The following KCTD9 variants were observed in gnomAD, a reference collection of about 807,000 sequenced individuals.
KCTD9 encodes BTB/POZ domain-containing protein KCTD9.
Under a neutral mutation model 53.3 loss-of-function variants are expected in KCTD9, and 17 were observed. That is an observed-to-expected ratio of 0.32 (90% confidence interval 0.22 to 0.48). KCTD9 has a LOEUF of 0.48. Ranked by LOEUF, KCTD9 falls within the 20% of genes least tolerant of loss-of-function variation. The pLI is 0.99. For missense variants in KCTD9, 179 were observed against 465.5 expected, an observed-to-expected ratio of 0.38 and a Z score of 5.66; for synonymous variants, 128 against 162.7, an observed-to-expected ratio of 0.79 and a Z score of 1.62.
intron 8 of KCTD9, 89 bp from the exon 9 acceptor site, chr8:25,435,601 T>C: frequency 8.8e-7 from 1 of 1,139,600 alleles, no homozygotes. Context: ...AAGTTTTTTT[T>C]AGAAGCAATT....
intron 1 of KCTD9, among the ~76,000 whole-genome samples, chr8:25,450,955 A>AT (rs1460166524): frequency 6.6e-6 from 1 of 152,236 alleles, no homozygotes; most frequent in East Asian, 1.9e-4. Flanking sequence ...GCAGTTAACA[A>AT]TTTCCTTTAA....
At chr8:25,456,114 C>A (rs1031427108) in intron 1 of KCTD9, among the ~76,000 whole-genome samples, 3 of 152,190 alleles carry the variant, frequency 2.0e-5, no homozygotes, top group African/African-American at 4.8e-5. Flanking sequence ...TGCCTCTCCA[C>A]GCCCTTCCCC....
chr8:25,432,946 T>C (rs1180501379), intron 10 of KCTD9, among the ~76,000 whole-genome samples: 2 of 152,184 alleles, frequency 1.3e-5, no homozygotes, highest in Admixed American at 6.5e-5. Context: ...CAGTCACAGA[T>C]AGTAACAAAT....
At chr8:25,454,396 C>T (rs1182053503) in intron 1 of KCTD9, among the ~76,000 whole-genome samples, 2 of 152,146 alleles carry the variant, frequency 1.3e-5, no homozygotes, top group African/African-American at 2.4e-5. Context: ...CTAGGACTTG[C>T]ACAGCTCATT....
intron 11 of KCTD9, among the ~76,000 whole-genome samples, chr8:25,431,683 ATTATAC>A (rs1217737222): frequency 6.6e-6 from 1 of 152,164 alleles, no homozygotes; most frequent in Non-Finnish European, 1.5e-5. Flanking sequence ...TCGTGATAGG[ATTATAC>A]TTAGGCCAAT....
In KCTD9 at chr8:25,435,377, CAG is replaced by C. The variant is rs2117393760; in HGVS notation, c.797_798del (p.Ser266TrpfsTer5). 1 of 1,602,888 alleles carries C rather than the reference CAG, an allele frequency of 6.2e-7. No homozygotes were observed. On this transcript the variant is annotated frameshift_variant, in exon 9 of 12. Transcript: ENST00000221200. LOFTEE classifies it high-confidence loss of function. ...CCANLERADL[S>X]GSVLDCANLQ... Reference sequence around the variant, plus strand: ...ATGATACTTACGTCAAGCACTGATCCAGAGAGATCAGCTCGTTCAAGATTTGC... The same window carrying C: ...ATGATACTTACGTCAAGCACTGATCCAGAGATCAGCTCGTTCAAGATTTGC...
intron 1 of KCTD9, among the ~76,000 whole-genome samples, chr8:25,455,528 A>G (rs1586442603): frequency 6.6e-6 from 1 of 152,260 alleles, no homozygotes; most frequent in East Asian, 1.9e-4. Flanking sequence ...TTTTAGTCTC[A>G]TGGTTTATAC....
chr8:25,435,594 T>G, intron 8 of KCTD9, 82 bp from the exon 9 acceptor site: 1 of 1,269,966 alleles, frequency 7.9e-7, no homozygotes, highest in South Asian at 1.6e-5. Flanking sequence ...AACCACCAAG[T>G]TTTTTTTAGA....
chr8:25,457,918 C>G (rs1802496249), intron 1 of KCTD9, among the ~76,000 whole-genome samples: 1 of 150,906 alleles, frequency 6.6e-6, no homozygotes, highest in African/African-American at 2.4e-5. Context: ...GCCCCCGTCC[C>G]CGCGCCCCCC....
chr8:25,446,073 A>G, intron 2 of KCTD9, 56 bp downstream of exon 2: 6 of 1,595,550 alleles, frequency 3.8e-6, no homozygotes, highest in Non-Finnish European at 5.1e-6. Flanking sequence ...GGGAAACAGC[A>G]TAGCACCAAG....
At chr8:25,448,074 G>T (rs1428137689) in intron 1 of KCTD9, among the ~76,000 whole-genome samples, 1 of 151,858 alleles carries the variant, frequency 6.6e-6, no homozygotes, top group Non-Finnish European at 1.5e-5. Context: ...GCTGCAGTGA[G>T]CCAAGATCAC....
chr8:25,455,291 C>T (rs1316250711), intron 1 of KCTD9, among the ~76,000 whole-genome samples: 3 of 151,612 alleles, frequency 2.0e-5, no homozygotes, highest in Non-Finnish European at 4.4e-5. Context: ...ACCAAAAAAT[C>T]AGAAAAGAAA....
chr8:25,437,231 G>C (rs1802033545), intron 6 of KCTD9, among the ~76,000 whole-genome samples: 1 of 152,110 alleles, frequency 6.6e-6, no homozygotes, highest in Admixed American at 6.5e-5. Flanking sequence ...ATATATCCCT[G>C]GTGGAAACTC....
At chr8:25,442,444 A>C (rs1802140399) in intron 3 of KCTD9, among the ~76,000 whole-genome samples, 1 of 152,220 alleles carries the variant, frequency 6.6e-6, no homozygotes, top group Non-Finnish European at 1.5e-5. Flanking sequence ...ACTGAGGTAT[A>C]ATTAACACAG....
intron 4 of KCTD9, chr8:25,439,901 T>A (rs1160986321): frequency 7.2e-6 from 5 of 692,160 alleles, no homozygotes; most frequent in Admixed American, 3.6e-5. Flanking sequence ...AATACTTGTC[T>A]GTCTATCCTG....
At chr8:25,452,861 T>C (rs1802353607) in intron 1 of KCTD9, among the ~76,000 whole-genome samples, 1 of 152,124 alleles carries the variant, frequency 6.6e-6, no homozygotes, top group Non-Finnish European at 1.5e-5. Flanking sequence ...AAGAGAATTA[T>C]ATTGAACGAA....
chr8:25,446,397 C>T lies in KCTD9; in HGVS notation c.49-147G>A, dbSNP rs570805729. On this transcript the variant is annotated intron_variant, in intron 1 of 11. Coordinates refer to ENST00000221200, the MANE Select transcript of KCTD9 (RefSeq NM_017634.4). ...TTCTTAACAGTGCCCCCTTTTCTTC[C>T]ATGACTCATTTATTCACTTGGTGCC... The T allele has an allele frequency of 1.4e-5, 12 of 871,518 alleles. No homozygotes were observed. The East Asian group carries it at 2.9e-4, about 21-fold the overall frequency. 54.0% of individuals were successfully genotyped at this position (871,518 alleles called of 1,614,324 possible). A position where few individuals can be genotyped will look rare whatever the true frequency, so the allele number is the denominator to read the frequency against.
chr8:25,450,922 T>C (rs1390968662), intron 1 of KCTD9, among the ~76,000 whole-genome samples: 1 of 152,232 alleles, frequency 6.6e-6, no homozygotes, highest in African/African-American at 2.4e-5. Context: ...ATAAATAAAA[T>C]TATTTTAGCA....
intron 3 of KCTD9, among the ~76,000 whole-genome samples, chr8:25,441,406 G>T (rs1258313583): frequency 6.6e-6 from 1 of 152,042 alleles, no homozygotes; most frequent in East Asian, 1.9e-4. Context: ...ATACAAAAGT[G>T]TTAAAATAAT....
Sources: gnomAD v4.1 joint callset for allele counts (sites outside exome capture counted in the v4.1 genomes callset) on GRCh38, gnomAD v4.1.1 for gene constraint, MANE v1.5 for transcripts, NCBI Gene and HGNC (gene_info 2026-07-23, HGNC 2026-07-21) for gene names.